The following RBPJ variants were observed in gnomAD, a reference collection of about 807,000 sequenced individuals.
RBPJ encodes the protein recombining binding protein suppressor of hairless.
In RBPJ, 9 loss-of-function variants were observed where a neutral mutation model predicts 67.8. That is an observed-to-expected ratio of 0.13 (90% CI 0.08 to 0.23). The LOEUF is 0.23. RBPJ is among the 10% of genes least tolerant of loss of function. The pLI is 1.00. For synonymous variants in RBPJ, 198 were observed against 203.3 expected, an observed-to-expected ratio of 0.97 and a Z score of 0.22; for missense variants, 305 against 595.6, an observed-to-expected ratio of 0.51 and a Z score of 5.08.
At chr4:26,375,330 G>A (rs1368996357) in intron 1 of RBPJ, among the ~76,000 whole-genome samples, 2 of 151,476 alleles carry the variant, frequency 1.3e-5, no homozygotes, top group East Asian at 3.9e-4. Flanking sequence ...GGTATGATGT[G>A]AGATACGCAT....
chr4:26,274,420 G>T (rs548991030), intron 1 of RBPJ, among the ~76,000 whole-genome samples: 1 of 152,190 alleles, frequency 6.6e-6, no homozygotes, highest in Non-Finnish European at 1.5e-5. Flanking sequence ...GTGATCCCAG[G>T]AGTTCAAGAC....
At chr4:26,214,608 G>C (rs1003049339) in intron 1 of RBPJ, among the ~76,000 whole-genome samples, 3 of 119,122 alleles carry the variant, frequency 2.5e-5, no homozygotes, top group African/African-American at 1.1e-4. Flanking sequence ...GAAACAGAGA[G>C]AGAATGAAAA....
intron 1 of RBPJ, among the ~76,000 whole-genome samples, chr4:26,364,620 A>ATTTTTT (rs1560296477): frequency 1.1e-5 from 1 of 92,460 alleles, no homozygotes; most frequent in African/African-American, 4.2e-5. Flanking sequence ...TTTCTTTTTC[A>ATTTTTT]TTTTCTTTTT....
intron 1 of RBPJ, among the ~76,000 whole-genome samples, chr4:26,290,301 A>C (rs1335921923): frequency 7.0e-6 from 1 of 143,342 alleles, no homozygotes; most frequent in South Asian, 2.2e-4. Flanking sequence ...ATTGCACCAC[A>C]GAACGAGACC....
At chr4:26,375,039 A>G (rs1409304512) in intron 1 of RBPJ, among the ~76,000 whole-genome samples, 1 of 151,900 alleles carries the variant, frequency 6.6e-6, no homozygotes, top group Non-Finnish European at 1.5e-5. Context: ...ACGGTGGCTC[A>G]TGCATGTAAT....
At chr4:26,362,584 A>C (rs771015776) in intron 1 of RBPJ, 5 of 1,613,712 alleles carry the variant, frequency 3.1e-6, no homozygotes, top group Non-Finnish European at 4.2e-6. Context: ...CCAAGCTGTG[A>C]CTTACCTTAA....
intron 1 of RBPJ, among the ~76,000 whole-genome samples, chr4:26,373,202 G>C (rs1289289148): frequency 6.6e-6 from 1 of 152,144 alleles, no homozygotes; most frequent in Non-Finnish European, 1.5e-5. Context: ...CCCCCATTCT[G>C]AACATAGGAA....
intron 1 of RBPJ, among the ~76,000 whole-genome samples, chr4:26,179,511 TATGTA>T (rs1452338176): frequency 6.6e-6 from 1 of 151,990 alleles, no homozygotes. Context: ...CGCAAGTACT[TATGTA>T]ATGTAATGAG....
chr4:26,288,830 G>A (rs1207341190), intron 1 of RBPJ, among the ~76,000 whole-genome samples: 1 of 152,122 alleles, frequency 6.6e-6, no homozygotes, highest in African/African-American at 2.4e-5. Context: ...TTAAAAATGA[G>A]GAAATGGAAG....
chr4:26,200,770 AT>A (rs147427983), intron 1 of RBPJ, among the ~76,000 whole-genome samples: 13,044 of 152,052 alleles, frequency 0.086, 878 homozygotes, highest in African/African-American at 0.19. Flanking sequence ...CAGATTAGAC[AT>A]TGTTTCATCT....
upstream of RBPJ, among the ~76,000 whole-genome samples, chr4:26,161,074 C>CT (rs1223171609): frequency 2.0e-5 from 3 of 152,214 alleles, no homozygotes; most frequent in Non-Finnish European, 4.4e-5. Context: ...GGGTTTGTGA[C>CT]TTGCTCTGAT....
intron 1 of RBPJ, among the ~76,000 whole-genome samples, chr4:26,304,028 C>T (rs905924066): frequency 6.6e-6 from 1 of 152,096 alleles, no homozygotes; most frequent in African/African-American, 2.4e-5. Flanking sequence ...ACAGTTATCC[C>T]CACATACACA....
chr4:26,222,945 G>A (rs1718962987), intron 1 of RBPJ, among the ~76,000 whole-genome samples: 1 of 151,832 alleles, frequency 6.6e-6, no homozygotes, highest in Non-Finnish European at 1.5e-5. Context: ...CACGAGGTCA[G>A]AAGTTCAAGA....
rs1428350835 is a variant in RBPJ at position 26,264,632 on chromosome 4, T to A, written c.-166-97814T>A. Among the ~76,000 whole-genome samples, 1 of 152,216 alleles carries A rather than the reference T, an allele frequency of 6.6e-6. No homozygotes were observed. The highest frequency in any genetic ancestry group is 1.5e-5 in the Non-Finnish European group (1 of 68,038). The stretch of plus-strand genomic sequence containing the variant: ...CACACACACTTGCTGTCTTCCTCTC[T>A]TCCCCATCTAGCCACACTGAAACAC... On this transcript the variant is annotated intron_variant, in intron 1 of 4. Transcript: ENST00000512351. The surrounding 1 kb of genome is among the most constrained non-coding windows in gnomAD (Gnocchi z 4.1).
chr4:26,321,008 T>G (rs1397615640), upstream of RBPJ: 5 of 1,613,124 alleles, frequency 3.1e-6, no homozygotes, highest in Non-Finnish European at 4.2e-6. Flanking sequence ...GGGTTGGAGT[T>G]TTGGCGAGAG....
the RBPJ span, among the ~76,000 whole-genome samples, chr4:26,146,383 A>T: frequency 3.9e-5 from 6 of 152,234 alleles, no homozygotes; most frequent in African/African-American, 1.4e-4. Context: ...ACTATATACA[A>T]AATTTAACTC....
At chr4:26,206,983 C>T (rs1421999685) in intron 1 of RBPJ, among the ~76,000 whole-genome samples, 8 of 152,104 alleles carry the variant, frequency 5.3e-5, no homozygotes, top group Non-Finnish European at 1.0e-4. Context: ...TGCTTTTCTG[C>T]TCCAGGGCTG....
At chr4:26,380,048 C>T (rs745353617) in intron 1 of RBPJ, among the ~76,000 whole-genome samples, 2 of 152,014 alleles carry the variant, frequency 1.3e-5, no homozygotes, top group East Asian at 1.9e-4. Flanking sequence ...AGAGCAGGTT[C>T]GAAACTAGAA....
At chr4:26,114,964 A>G in the RBPJ span, among the ~76,000 whole-genome samples, 2 of 152,196 alleles carry the variant, frequency 1.3e-5, no homozygotes, top group Admixed American at 1.3e-4. Context: ...GCTACATTTC[A>G]CTATGATCTT....
Sources: gnomAD v4.1 joint callset for allele counts (sites outside exome capture counted in the v4.1 genomes callset) on GRCh38, gnomAD v4.1.1 for gene constraint, Gnocchi (gnomAD v3.1) non-coding constraint, MANE v1.5 for transcripts, NCBI Gene and HGNC (gene_info 2026-07-23, HGNC 2026-07-21) for gene names.